The following CDH4 variants were observed in gnomAD, a reference collection of about 807,000 sequenced individuals.
CDH4 encodes the protein cadherin 4.
CDH4 carries 33 observed loss-of-function variants against 86.0 expected under a neutral mutation model. The ratio of observed to expected loss-of-function variants is 0.38; its 90% CI spans 0.29 to 0.51. The LOEUF (loss-of-function observed/expected upper bound fraction) is 0.51. Ranked by LOEUF, CDH4 falls within the 20% of genes least tolerant of loss-of-function variation. The pLI, the probability that CDH4 is intolerant of heterozygous loss-of-function variation, is 0.86. For synonymous variants in CDH4, 555 were observed against 549.4 expected, an observed-to-expected ratio of 1.01 and a Z score of -0.14; for missense variants, 1,114 against 1,307.4, an observed-to-expected ratio of 0.85 and a Z score of 2.28.
chr20:61,390,496 G>A (rs532580081), intron 2 of CDH4, among the ~76,000 whole-genome samples: 36 of 140,282 alleles, frequency 2.6e-4, no homozygotes, highest in Non-Finnish European at 3.9e-4. Context: ...CCATAGTGCC[G>A]TGTCTGGGAA....
chr20:61,312,233 G>T lies in CDH4; in HGVS notation c.169+57296G>T, dbSNP rs565552905. 4.0e-4 allele frequency among the ~76,000 whole-genome samples: 61 copies of T among 151,108 alleles called. 1 individual carries two copies. The highest frequency in any genetic ancestry group is 3.4e-3 in the Middle Eastern group (1 of 290). ...TATGTGCGGTGTGTGTGTGGTGTGT[G>T]CATGTGTGTGGTGTGTGTGTATATG... On this transcript the variant is annotated intron_variant, in intron 2 of 15. Coordinates refer to ENST00000614565, the MANE Select transcript of CDH4 (RefSeq NM_001794.5).
intron 2 of CDH4, among the ~76,000 whole-genome samples, chr20:61,445,041 G>A (rs938357742): frequency 6.6e-6 from 1 of 152,130 alleles, no homozygotes; most frequent in Non-Finnish European, 1.5e-5. Context: ...CTGTGTGCGT[G>A]CACGCATGTG....
At chr20:61,506,101 G>A (rs1033745557) in intron 2 of CDH4, among the ~76,000 whole-genome samples, 8 of 152,196 alleles carry the variant, frequency 5.3e-5, no homozygotes, top group African/African-American at 9.6e-5. Flanking sequence ...TATTATTTGC[G>A]TTAAATATTT....
intron 2 of CDH4, among the ~76,000 whole-genome samples, chr20:61,389,735 G>T (rs1442664833): frequency 2.0e-5 from 3 of 152,154 alleles, no homozygotes; most frequent in African/African-American, 7.2e-5. Context: ...GGCTGGGGGT[G>T]CTGCGGAACA....
intron 6 of CDH4, among the ~76,000 whole-genome samples, chr20:61,862,147 C>T (rs1193688081): frequency 6.6e-6 from 1 of 152,174 alleles, no homozygotes; most frequent in Non-Finnish European, 1.5e-5. Flanking sequence ...TTGCCCTGGC[C>T]TCTCCCCCAG....
At chr20:61,314,952 C>T (rs1333627099) in intron 2 of CDH4, among the ~76,000 whole-genome samples, 1 of 152,160 alleles carries the variant, frequency 6.6e-6, no homozygotes. Flanking sequence ...TGTTCAGGTC[C>T]TCTGCTAATT....
At chr20:61,922,114 T>C (rs2054989324) in intron 9 of CDH4, among the ~76,000 whole-genome samples, 1 of 152,168 alleles carries the variant, frequency 6.6e-6, no homozygotes, top group African/African-American at 2.4e-5. Context: ...CCATTGCTGA[T>C]GGATGTTTGG....
At chr20:61,695,079 A>G (rs1309554481) in intron 2 of CDH4, among the ~76,000 whole-genome samples, 1 of 152,244 alleles carries the variant, frequency 6.6e-6, no homozygotes, top group Non-Finnish European at 1.5e-5. Flanking sequence ...GCATAGAAGG[A>G]TCAAAACAGC....
chr20:61,887,851 A>G (rs573038770), intron 7 of CDH4, among the ~76,000 whole-genome samples: 17 of 152,286 alleles, frequency 1.1e-4, no homozygotes, highest in Non-Finnish European at 2.4e-4. Context: ...CCACAGCCAA[A>G]TAAACATGTA....
Position 61,505,674 on chromosome 20 carries a change from C to T in CDH4, c.170-237889C>T, listed in dbSNP as rs146934843. 1.6e-4 allele frequency among the ~76,000 whole-genome samples: 23 copies of T among 143,232 alleles called. No homozygotes were observed. In the East Asian group the frequency reaches 4.3e-3, roughly 26 times the overall value. 94.0% of individuals were successfully genotyped at this position (143,232 alleles called of 152,430 possible). A position where few individuals can be genotyped will look rare whatever the true frequency, so the allele number is the denominator to read the frequency against. On this transcript the variant is annotated intron_variant, in intron 2 of 15. Transcript: ENST00000614565. The stretch of plus-strand genomic sequence containing the variant: ...CTTTCCTGTAGAATCCATGATTGAC[C>T]CTGTGCTTGGCATCCTGCCTGGCAA...
chr20:61,665,033 T>C (rs953922484), intron 2 of CDH4, among the ~76,000 whole-genome samples: 1 of 152,222 alleles, frequency 6.6e-6, no homozygotes, highest in Non-Finnish European at 1.5e-5. Flanking sequence ...AATGAAAATC[T>C]CTAGCTGCCA....
chr20:61,313,169 T>C (rs2084457006), intron 2 of CDH4, among the ~76,000 whole-genome samples: 1 of 152,212 alleles, frequency 6.6e-6, no homozygotes, highest in Non-Finnish European at 1.5e-5. Flanking sequence ...AAATCTCATT[T>C]ATTTCACCAC....
chr20:61,872,033 G>C (rs780065947), intron 6 of CDH4, among the ~76,000 whole-genome samples: 6 of 152,194 alleles, frequency 3.9e-5, no homozygotes, highest in Admixed American at 1.3e-4. Flanking sequence ...AGGGCGAGGT[G>C]GGGGAGGGGC....
chr20:61,735,146 C>G (rs931420354), intron 2 of CDH4, among the ~76,000 whole-genome samples: 4 of 152,084 alleles, frequency 2.6e-5, no homozygotes, highest in African/African-American at 9.7e-5. Context: ...AAGCTGTGGC[C>G]GGCACTCGGG....
intron 2 of CDH4, among the ~76,000 whole-genome samples, chr20:61,571,176 C>T (rs2086339260): frequency 6.6e-6 from 1 of 152,156 alleles, no homozygotes; most frequent in African/African-American, 2.4e-5. Context: ...TCCAGGGACA[C>T]CGGCTTTGAG....
intron 2 of CDH4, among the ~76,000 whole-genome samples, chr20:61,566,332 G>A (rs993965573): frequency 6.6e-6 from 1 of 152,190 alleles, no homozygotes; most frequent in Non-Finnish European, 1.5e-5. Context: ...TTTGAAAGTG[G>A]TTGGAAAACA....
Position 61,933,009 on chromosome 20 carries a change from G to T in CDH4, c.2264G>T (p.Trp755Leu). The T allele has an allele frequency of 6.2e-7, 1 of 1,613,340 alleles. No homozygotes were observed. The highest frequency in any genetic ancestry group is 1.7e-5 in the Admixed American group (1 of 60,026). Residue 755 changes from tryptophan (W) to leucine (L), a missense_variant, in exon 14 of 16, where the codon TGG becomes TTG. Trp to Leu is a moderately conservative substitution (Grantham distance 61, BLOSUM62 -2). This residue lies in a region of CDH4 where 705 missense variants were observed against 914.1 expected (regional missense o/e 0.77). Coordinates refer to ENST00000614565, the MANE Select transcript of CDH4 (RefSeq NM_001794.5). ...LLTMVLLFVM[W>L]MKRREKERHT... ...GCCATGGTCCTGCTGTTTGTCATGT[G>T]GATGAAGCGGCGAGAGAAGGAGCGC...
intron 3 of CDH4, among the ~76,000 whole-genome samples, chr20:61,771,492 C>T (rs1302516768): frequency 2.6e-5 from 4 of 151,782 alleles, no homozygotes; most frequent in East Asian, 3.9e-4. Context: ...GATGTGGTGG[C>T]GGTCTCCTGT....
At chr20:61,899,124 T>C (rs1199153355) in intron 8 of CDH4, among the ~76,000 whole-genome samples, 1 of 151,746 alleles carries the variant, frequency 6.6e-6, no homozygotes, top group African/African-American at 2.4e-5. Flanking sequence ...TGAAACCCCA[T>C]CTCTACTAAA....
Sources: gnomAD v4.1 joint callset for allele counts (sites outside exome capture counted in the v4.1 genomes callset) on GRCh38, gnomAD v4.1.1 for gene constraint, gnomAD v4.1.1 regional missense constraint, MANE v1.5 for transcripts, NCBI Gene and HGNC (gene_info 2026-07-23, HGNC 2026-07-21) for gene names.